FRY: variants seen among roughly 807,000 people sequenced by gnomAD.
The protein encoded by FRY is FRY microtubule binding protein, also known as protein furry homolog.
FRY carries 128 observed loss-of-function variants against 348.4 expected under a neutral mutation model. That is an observed-to-expected ratio of 0.37 (90% CI 0.32 to 0.43). The LOEUF (loss-of-function observed/expected upper bound fraction) is 0.43, where lower values mean the gene tolerates loss of function less well. Among genes scored for constraint, FRY ranks in the 20% least tolerant of loss-of-function variants. FRY has a pLI of 1.00. For missense variants in FRY, 2,736 were observed against 3,695.2 expected, an observed-to-expected ratio of 0.74 and a Z score of 6.73; for synonymous variants, 1,370 against 1,374.7, an observed-to-expected ratio of 1.00 and a Z score of 0.08.
intron 17 of FRY, 56 bp downstream of exon 17, chr13:32,161,307 G>A (rs1666196283): frequency 1.0e-5 from 10 of 988,544 alleles, no homozygotes; most frequent in South Asian, 4.0e-5. Context: ...TGTGACTCCT[G>A]AAAAAAAAAT....
chr13:32,140,075 C>A (rs1879963144), intron 11 of FRY, among the ~76,000 whole-genome samples: 2 of 147,164 alleles, frequency 1.4e-5, no homozygotes, highest in African/African-American at 2.5e-5. Context: ...CCAGTGAGGC[C>A]CAGATTATTA....
chr13:32,137,055 C>T, intron 11 of FRY, 83 bp downstream of exon 11: 2 of 801,072 alleles, frequency 2.5e-6, no homozygotes, highest in Non-Finnish European at 4.5e-6. Flanking sequence ...CTGGAAGTGA[C>T]TCCTGATGTT....
chr13:32,153,070 A>G (rs1880899290), intron 14 of FRY, among the ~76,000 whole-genome samples: 1 of 152,218 alleles, frequency 6.6e-6, no homozygotes, highest in Admixed American at 6.5e-5. Context: ...GGGAAGATAA[A>G]GAGCAACTAG....
intron 28 of FRY, among the ~76,000 whole-genome samples, chr13:32,192,160 G>A (rs1883374780): frequency 6.6e-6 from 1 of 152,082 alleles, no homozygotes; most frequent in South Asian, 2.1e-4. Context: ...AATGACTCAT[G>A]ATATACATAG....
chr13:32,031,979 TTTTTC>T (rs769265694), intron 1 of FRY, 114 bp downstream of exon 1: 12,670 of 644,502 alleles, frequency 0.02, 200 homozygotes, highest in Non-Finnish European at 0.026. Flanking sequence ...AGTTTTTCTT[TTTTTC>T]TTTTCTTTTC....
rs533083717 is a variant in FRY, at chr13:32,228,904, T to C, written c.5405+250T>C. Among the ~76,000 whole-genome samples the C allele has an allele frequency of 1.1e-4, 17 of 152,266 alleles. No individual in the cohort carries two copies. In the South Asian group the frequency reaches 3.5e-3, roughly 32 times the overall value. On this transcript the variant is annotated intron_variant, in intron 40 of 60. Coordinates refer to ENST00000542859, the MANE Select transcript of FRY (RefSeq NM_023037.3). ...TGACAGTTGATGGGCAAGGGGATTT[T>C]GTGGATAATGATGATGCAGCAGATG... is the stretch of plus-strand genomic sequence containing the variant.
intron 14 of FRY, among the ~76,000 whole-genome samples, chr13:32,151,395 T>G (rs560579551): frequency 6.6e-6 from 1 of 152,374 alleles, no homozygotes; most frequent in Admixed American, 6.5e-5. Context: ...TTATCAGTAG[T>G]TGGTAATTAT....
chr13:32,249,384 A>G, intron 48 of FRY, 142 bp from the exon 49 acceptor site: 2 of 836,220 alleles, frequency 2.4e-6, no homozygotes. Flanking sequence ...GCATGTTGAG[A>G]AAATGAGCCC....
chr13:32,149,038 TAC>T (rs1039910547), intron 13 of FRY, among the ~76,000 whole-genome samples: 16 of 149,066 alleles, frequency 1.1e-4, no homozygotes, highest in African/African-American at 2.9e-4. Flanking sequence ...TATGTACATA[TAC>T]ACACATATAT....
chr13:32,160,781 C>CATTTTTAAATGCTGAATGAAATA (rs1881395584), intron 16 of FRY, among the ~76,000 whole-genome samples: 1 of 149,238 alleles, frequency 6.7e-6, no homozygotes, highest in Non-Finnish European at 1.5e-5. Context: ...TATATATACT[C>CATTTTTAAATGCTGAATGAAATA]CATTTTTAAA....
Position 32,124,341 on chromosome 13 carries a change from A to AT in FRY, c.526dup (p.Ser176PhefsTer23). On this transcript the variant is annotated frameshift_variant, in exon 5 of 61. Transcript: ENST00000542859. LOFTEE classifies it high-confidence loss of function. ...AAGACGGGACCTCGCCATTGATTTT[A>AT]TTTTTTCTTTAGTATTAATAGAAGT... 6.3e-7 allele frequency: 1 copy of AT among 1,593,484 alleles called. No individual in the cohort carries two copies. The highest frequency in any genetic ancestry group is 8.6e-7 in the Non-Finnish European group (1 of 1,161,740).
intron 40 of FRY, 61 bp downstream of exon 40, chr13:32,228,715 GC>G: frequency 7.4e-7 from 1 of 1,358,128 alleles, no homozygotes; most frequent in Non-Finnish European, 1.1e-6. Context: ...AATTGCCAAC[GC>G]TTTAAACCAC....
intron 58 of FRY, among the ~76,000 whole-genome samples, chr13:32,284,677 G>A (rs1888963816): frequency 6.6e-6 from 1 of 152,200 alleles, no homozygotes; most frequent in Admixed American, 6.5e-5. Flanking sequence ...TTAGCAACAA[G>A]TGGGTACATA....
At position 32,228,380 on chromosome 13, in the gene FRY, C is replaced by G. The variant is rs1885714427; in HGVS notation, c.5207-76C>G. ...AAATAACTCCACACTTCCCTGCCCT[C>G]CTCTGTGGACCTCATTAAGCATGCT... On this transcript the variant is annotated intron_variant, in intron 39 of 60. Transcript: ENST00000542859. The G allele has an allele frequency of 2.8e-6, 3 of 1,065,950 alleles. No individual in the cohort carries two copies. The African/African-American group carries it at 4.6e-5, about 16-fold the overall frequency. 66.0% of individuals were successfully genotyped at this position (1,065,950 alleles called of 1,614,324 possible).
intron 1 of FRY, among the ~76,000 whole-genome samples, chr13:32,051,770 C>T (rs1438104854): frequency 1.3e-5 from 2 of 152,080 alleles, no homozygotes; most frequent in Admixed American, 6.6e-5. Flanking sequence ...TGATAATTTG[C>T]GAAGTATGAG....
intron 1 of FRY, among the ~76,000 whole-genome samples, chr13:32,072,759 A>G (rs1874750072): frequency 6.6e-6 from 1 of 152,242 alleles, no homozygotes. Context: ...TGAGAGGGAA[A>G]GTGTGATTCT....
In FRY at chr13:32,147,841, G is replaced by A. The variant is rs1880550169; in HGVS notation, c.1286G>A (p.Arg429Gln). 5 of 1,585,708 alleles carry A rather than the reference G, an allele frequency of 3.2e-6. No individual in the cohort carries two copies. Among genetic ancestry groups the A allele is most frequent in the Non-Finnish European group, 4.3e-6 (5 of 1,154,152 alleles). ...CTCTTTTCCCCCTTATCTTTCAGCC[G>A]ACTTATAACCATCATCACAACACTT... ...KCESNTATQS[R>Q]LITIITTLFP... The change falls in exon 13 of 61, where the codon CGA (arginine) becomes CAA (glutamine). Residue 429 changes from arginine (R) to glutamine (Q), a missense_variant and splice_region_variant. This residue lies in a region of FRY where 191 missense variants were observed against 370.2 expected (regional missense o/e 0.52). Coordinates refer to ENST00000542859, the MANE Select transcript of FRY (RefSeq NM_023037.3).
At chr13:32,194,425 G>A (rs1216008544) in intron 29 of FRY, 128 bp downstream of exon 29, 9 of 813,830 alleles carry the variant, frequency 1.1e-5, no homozygotes, top group Middle Eastern at 2.3e-4. Flanking sequence ...AAAATGTTCT[G>A]TATGTCCCCA....
At chr13:32,098,500 T>C (rs1377459058) in intron 2 of FRY, among the ~76,000 whole-genome samples, 9 of 151,990 alleles carry the variant, frequency 5.9e-5, no homozygotes, top group Admixed American at 5.9e-4. Flanking sequence ...GACTTTACTC[T>C]ATGGTAAGGT....
Sources: gnomAD v4.1 joint callset for allele counts (sites outside exome capture counted in the v4.1 genomes callset) on GRCh38, gnomAD v4.1.1 for gene constraint, gnomAD v4.1.1 regional missense constraint, MANE v1.5 for transcripts, NCBI Gene and HGNC (gene_info 2026-07-23, HGNC 2026-07-21) for gene names.